MOV10L1: variants seen among roughly 807,000 people sequenced by gnomAD.
MOV10L1 encodes the protein RNA helicase Mov10l1.
A neutral mutation model predicts 143.8 loss-of-function variants in MOV10L1; 110 were observed. The ratio of observed to expected loss-of-function variants is 0.76; its 90% CI spans 0.66 to 0.90. The LOEUF (loss-of-function observed/expected upper bound fraction) is 0.90. MOV10L1 is among the 40% of genes least tolerant of loss of function. The pLI, the probability that MOV10L1 is intolerant of heterozygous loss-of-function variation, is 0.00. For synonymous variants in MOV10L1, 593 were observed against 581.1 expected (o/e 1.02, Z -0.29); for missense variants, 1,406 against 1,526.8 (o/e 0.92, Z 1.32).
intron 12 of MOV10L1, 99 bp downstream of exon 12, chr22:50,126,371 T>C: frequency 1.3e-6 from 1 of 766,706 alleles, no homozygotes; most frequent in South Asian, 1.9e-5. Context: ...GATGCTCCCA[T>C]ATGCATTGGC....
intron 11 of MOV10L1, among the ~76,000 whole-genome samples, 167 bp from the exon 12 acceptor site, chr22:50,126,035 G>A (rs573316250): frequency 1.1e-4 from 17 of 151,780 alleles, no homozygotes; most frequent in Admixed American, 2.0e-4. Context: ...CTTGTGATCC[G>A]CCCGCCTCGG....
At position 50,159,746 on chromosome 22, in the gene MOV10L1, G is replaced by C; in HGVS notation, c.3285G>C (p.Glu1095Asp). Residue 1095 changes from glutamate to aspartate, a missense_variant, in exon 24 of 27, where the codon GAG becomes GAC. Transcript: ENST00000262794. This position sits in a 1 kb window ranked among gnomAD's most constrained non-coding sequence, Gnocchi z 4.1. ...LMDIKVGSVE[E>D]FQGQEYLVII... Reference sequence around the variant, plus strand: ...ATATAAAGGTTGGATCAGTAGAGGAGTTTCAAGGACAAGAGTATCTGGTCA... The same window carrying C: ...ATATAAAGGTTGGATCAGTAGAGGACTTTCAAGGACAAGAGTATCTGGTCA... The C allele has an allele frequency of 6.2e-7, 1 of 1,613,458 alleles. No homozygotes were observed. The highest frequency in any genetic ancestry group is 8.5e-7 in the Non-Finnish European group (1 of 1,179,574).
intron 12 of MOV10L1, 109 bp from the exon 13 acceptor site, chr22:50,128,307 A>C: frequency 3.0e-6 from 2 of 661,946 alleles, no homozygotes. Flanking sequence ...AATTTTGCAG[A>C]TATCAAATTT....
chr22:50,128,434 A>C lies in MOV10L1; in HGVS notation c.1837A>C (p.Thr613Pro). 6.5e-7 allele frequency: 1 copy of C among 1,531,568 alleles called. No homozygotes were observed. The highest frequency in any genetic ancestry group is 9.0e-7 in the Non-Finnish European group (1 of 1,112,052). The allele number at this position is 1,531,568 out of a possible 1,614,324, so 94.9% of individuals were successfully genotyped here. ...TTTTTAGATTCATGAAGAAGATGTA[A>C]CTCTTAAAATTAATCCAGAATTTGA... ...YVTEIHEEDV[T>P]LKINPEFEQA... The change falls in exon 13 of 27, where the codon ACT (threonine) becomes CCT (proline). Residue 613 changes from threonine (T) to proline (P), a missense_variant. Physicochemically the swap from Thr to Pro is conservative, Grantham distance 38. Coordinates refer to ENST00000262794, the MANE Select transcript of MOV10L1 (RefSeq NM_018995.3).
At chr22:50,161,174 G>A (rs973140949) in intron 26 of MOV10L1, 119 bp downstream of exon 26, 16 of 1,170,714 alleles carry the variant, frequency 1.4e-5, no homozygotes, top group Non-Finnish European at 1.7e-5. Context: ...GCCCTCTGCC[G>A]GCCACCGTCC....
At chr22:50,155,058 T>A (rs1460243882) in intron 22 of MOV10L1, among the ~76,000 whole-genome samples, 1 of 152,204 alleles carries the variant, frequency 6.6e-6, no homozygotes, top group Non-Finnish European at 1.5e-5. Flanking sequence ...TATTTCCTGA[T>A]TTTTTCTAGT....
intron 12 of MOV10L1, among the ~76,000 whole-genome samples, chr22:50,126,556 C>T (rs937188910): frequency 2.0e-5 from 3 of 152,156 alleles, no homozygotes; most frequent in Non-Finnish European, 2.9e-5. Context: ...CAGAAGAGCT[C>T]GCAGAGTGGA....
chr22:50,117,541 A>C (rs1048572565), intron 9 of MOV10L1, among the ~76,000 whole-genome samples, 190 bp downstream of exon 9: 1 of 152,218 alleles, frequency 6.6e-6, no homozygotes, highest in Non-Finnish European at 1.5e-5. Flanking sequence ...TCTGAAGGTC[A>C]AGTTCTGTCT....
At chr22:50,113,921 T>TC in intron 6 of MOV10L1, 133 bp downstream of exon 6, 1 of 869,072 alleles carries the variant, frequency 1.2e-6, no homozygotes, top group East Asian at 3.7e-5. Flanking sequence ...TCTTTTTTTT[T>TC]TTTTTTTTTT....
chr22:50,140,817 G>T (rs181933497), intron 15 of MOV10L1, among the ~76,000 whole-genome samples: 150 of 151,974 alleles, frequency 9.9e-4, no homozygotes, highest in African/African-American at 3.5e-3. Flanking sequence ...TGACCTCCTG[G>T]ACTCTAGCAG....
intron 12 of MOV10L1, among the ~76,000 whole-genome samples, chr22:50,127,975 T>G (rs2062559955): frequency 6.6e-6 from 1 of 152,176 alleles, no homozygotes; most frequent in Non-Finnish European, 1.5e-5. Context: ...TTCGCCCCGT[T>G]GGCCAGGCTG....
At position 50,090,067 on chromosome 22, in the gene MOV10L1, C is replaced by CGGTG. The variant is rs755579930; in HGVS notation, c.-22_-21insGGTG. On this transcript the variant is annotated 5_prime_UTR_variant, in exon 1 of 27. Transcript: ENST00000262794. ...CGGGCGGCGGCAGCGGCGGTGACGG[C>CGGTG]AGCCTAGGCCGGGCGAGGGCCATGC... The CGGTG allele has an allele frequency of 0.23, 279,654 of 1,237,866 alleles. 32,883 individuals are homozygous for CGGTG. The highest frequency in any genetic ancestry group is 0.35 in the Admixed American group (8,104 of 22,842). 76.7% of individuals were successfully genotyped at this position (1,237,866 alleles called of 1,614,324 possible). A position where few individuals can be genotyped will look rare whatever the true frequency, so the allele number is the denominator to read the frequency against.
At chr22:50,120,424 A>G in intron 9 of MOV10L1, 78 bp from the exon 10 acceptor site, 2 of 902,066 alleles carry the variant, frequency 2.2e-6, no homozygotes, top group Admixed American at 2.1e-5. Context: ...TAAAATAGGA[A>G]AGGATGTTTA....
At chr22:50,141,272 G>GTGAT (rs1299717590) in intron 15 of MOV10L1, among the ~76,000 whole-genome samples, 1 of 152,000 alleles carries the variant, frequency 6.6e-6, no homozygotes, top group African/African-American at 2.4e-5. Flanking sequence ...TCTTGACCTT[G>GTGAT]TGATCTGCCC....
intron 18 of MOV10L1, 22 bp from the exon 19 acceptor site, chr22:50,145,667 C>G: frequency 6.2e-7 from 1 of 1,613,384 alleles, no homozygotes; most frequent in South Asian, 1.1e-5. Context: ...AGTAAACTAA[C>G]TCTACGCCTC....
Position 50,115,236 on chromosome 22 carries a change from T to C in MOV10L1, c.1249T>C (p.Cys417Arg), listed in dbSNP as rs1390055389. The C allele has an allele frequency of 6.6e-7, 1 of 1,522,808 alleles. No individual in the cohort carries two copies. Among genetic ancestry groups the C allele is most frequent in the Non-Finnish European group, 8.7e-7 (1 of 1,145,626 alleles). The allele number at this position is 1,522,808 out of a possible 1,614,324, so 94.3% of individuals were successfully genotyped here. A position where few individuals can be genotyped will look rare whatever the true frequency, so the allele number is the denominator to read the frequency against. The change falls in exon 8 of 27, where the codon TGT becomes CGT. Residue 417 changes from cysteine to arginine, a missense_variant. Physicochemically the swap from Cys to Arg is radical, Grantham distance 180 (BLOSUM62 -3). Coordinates refer to ENST00000262794, the MANE Select transcript of MOV10L1 (RefSeq NM_018995.3). ...PGGKTFIVVI[C>R]DGKNPGRCKE... ...GGGAAAAACCTTCATTGTGGTCATC[T>C]GTGACGGAAAGTAAGGGCCTGGAGG...
chr22:50,134,082 ATGAT>A lies in MOV10L1; in HGVS notation c.1969+18_1969+21del. ...GTGTAAAAGGTATTACTTTTATAGA[ATGAT>A]AGTGTTACATCTTCACAGAGTATTT... On this transcript the variant is annotated intron_variant, in intron 14 of 26. Coordinates refer to ENST00000262794, the MANE Select transcript of MOV10L1 (RefSeq NM_018995.3). 1.3e-6 allele frequency: 2 copies of A among 1,592,280 alleles called. No individual in the cohort carries two copies. The highest frequency in any genetic ancestry group is 2.3e-5 in the South Asian group (2 of 87,718).
chr22:50,118,862 C>T (rs796459737), intron 9 of MOV10L1, among the ~76,000 whole-genome samples: 32 of 152,260 alleles, frequency 2.1e-4, no homozygotes, highest in African/African-American at 7.0e-4. Context: ...GGAGACTCAG[C>T]GCTGGAGTTG....
At position 50,145,669 on chromosome 22, in the gene MOV10L1, C is replaced by G. The variant is rs1014753802; in HGVS notation, c.2506-20C>G. ...TAATAATTGGAGGAGTAAACTAACT[C>G]TACGCCTCCTTGCCCCCAGATAGTT... On this transcript the variant is annotated intron_variant, in intron 18 of 26. Coordinates refer to ENST00000262794, the MANE Select transcript of MOV10L1 (RefSeq NM_018995.3). The G allele has an allele frequency of 5.6e-6, 9 of 1,613,526 alleles. No homozygotes were observed. Among genetic ancestry groups the G allele is most frequent in the African/African-American group, 1.3e-5 (1 of 74,942 alleles).
Sources: allele counts gnomAD v4.1 joint callset (sites outside exome capture counted in the v4.1 genomes callset), GRCh38; gene constraint gnomAD v4.1.1; non-coding constraint Gnocchi (gnomAD v3.1); transcripts MANE v1.5; gene names NCBI Gene and HGNC (gene_info 2026-07-23, HGNC 2026-07-21).